Variants in DACH2 observed in about 807,000 individuals in gnomAD.
DACH2 encodes dachshund homolog 2.
DACH2 carries 17 observed loss-of-function variants against 35.8 expected under a neutral mutation model. The ratio of observed to expected loss-of-function variants is 0.48; its 90% CI spans 0.33 to 0.71. The LOEUF is 0.71. DACH2 is among the 30% of genes least tolerant of loss of function. DACH2 has a pLI of 0.02. For missense variants in DACH2, 469 were observed against 472.7 expected (o/e 0.99, Z 0.07); for synonymous variants, 195 against 177.3 (o/e 1.10, Z -0.79).
chrX:86,576,838 C>A (rs755503476), intron 3 of DACH2, among the ~76,000 whole-genome samples: 2 of 110,354 alleles, frequency 1.8e-5, no homozygotes, highest in Non-Finnish European at 3.8e-5. Flanking sequence ...GAACCTGACA[C>A]CTTCCTCATC....
intron 5 of DACH2, among the ~76,000 whole-genome samples, chrX:86,700,169 A>G (rs190135241): frequency 9.0e-6 from 1 of 110,532 alleles, no homozygotes. Flanking sequence ...AGATTTTTTT[A>G]TATTTGATTA....
At chrX:86,582,438 G>A (rs2148341772) in intron 3 of DACH2, among the ~76,000 whole-genome samples, 1 of 110,244 alleles carries the variant, frequency 9.1e-6, no homozygotes, top group Admixed American at 9.7e-5. Flanking sequence ...TTTTTTGAAA[G>A]AATAAATAAG....
intron 1 of DACH2, among the ~76,000 whole-genome samples, chrX:86,320,379 AT>A (rs917623069): frequency 1.8e-5 from 2 of 111,768 alleles, no homozygotes; most frequent in African/African-American, 3.2e-5. Context: ...GATTCTTACC[AT>A]TTTTTTCCCC....
chrX:86,329,339 C>T (rs1221345429), intron 1 of DACH2, among the ~76,000 whole-genome samples: 1 of 111,074 alleles, frequency 9.0e-6, no homozygotes, highest in Non-Finnish European at 1.9e-5. Context: ...GGTGACTTGT[C>T]TGTTGATGGC....
chrX:86,283,431 A>C (rs1056716129), intron 1 of DACH2, among the ~76,000 whole-genome samples: 1 of 111,424 alleles, frequency 9.0e-6, no homozygotes, highest in Non-Finnish European at 1.9e-5. Flanking sequence ...ATGCACATGT[A>C]TGTTTATTGC....
chrX:86,187,365 G>A (rs1040254848), intron 1 of DACH2, among the ~76,000 whole-genome samples: 12 of 109,323 alleles, frequency 1.1e-4, no homozygotes, highest in Admixed American at 3.9e-4. Flanking sequence ...TTTTAGTTGA[G>A]CTATAATTTC....
At chrX:86,610,362 C>CCTCTTTCTTT (rs1569452238) in intron 3 of DACH2, among the ~76,000 whole-genome samples, 9 of 75,645 alleles carry the variant, frequency 1.2e-4, no homozygotes, top group Admixed American at 1.6e-4. Flanking sequence ...TTCCTTCCTT[C>CCTCTTTCTTT]CTCTTTCTTT....
At chrX:86,382,852 C>T (rs1407558119) in intron 2 of DACH2, among the ~76,000 whole-genome samples, 1 of 110,829 alleles carries the variant, frequency 9.0e-6, no homozygotes, top group African/African-American at 3.3e-5. Context: ...CCTAATTGTC[C>T]AAATGTAACA....
chrX:86,698,514 G>GTTTTTTTTTTTTTTT lies in DACH2; in HGVS notation c.931+3339_931+3340insTTTTTTTTTTTTTTT, dbSNP rs1345238527. Reference sequence around the variant, plus strand: ...TTAATTTCTTCTTTTTGTTTTGTTAGTTTTGTGTTTTTTTTTTTTTTTTTT... The same window carrying GTTTTTTTTTTTTTTT: ...TTAATTTCTTCTTTTTGTTTTGTTAGTTTTTTTTTTTTTTTTTTTGTGTTTTTTTTTTTTTTTTTT... On this transcript the variant is annotated intron_variant, in intron 5 of 11. Transcript: ENST00000373125. Among the ~76,000 whole-genome samples the GTTTTTTTTTTTTTTT allele has an allele frequency of 8.2e-4, 28 of 34,327 alleles. 4 individuals are homozygous for GTTTTTTTTTTTTTTT. Among genetic ancestry groups the GTTTTTTTTTTTTTTT allele is most frequent in the Non-Finnish European group, 8.9e-4 (18 of 20,256 alleles). 29.8% of individuals were successfully genotyped at this position (34,327 alleles called of 115,157 possible).
intron 1 of DACH2, among the ~76,000 whole-genome samples, chrX:86,241,077 C>T (rs1375867141): frequency 4.5e-5 from 5 of 111,496 alleles, no homozygotes; most frequent in East Asian, 5.6e-4. Flanking sequence ...AGTAGTGGGG[C>T]GATGCTATAA....
intron 3 of DACH2, among the ~76,000 whole-genome samples, chrX:86,568,386 T>C (rs1251873198): frequency 9.0e-6 from 1 of 110,962 alleles, no homozygotes; most frequent in African/African-American, 3.3e-5. Context: ...TTATGATGTA[T>C]GGAGTCAGGT....
At position 86,148,715 on chromosome X, in the gene DACH2, C is replaced by A. The variant is rs760325826; in HGVS notation, c.95C>A (p.Pro32His). 12 of 1,208,489 alleles carry A rather than the reference C, an allele frequency of 9.9e-6. No individual in the cohort carries two copies. Among genetic ancestry groups the A allele is most frequent in the Non-Finnish European group, 1.3e-5 (12 of 894,833 alleles). Residue 32 changes from proline (P) to histidine (H), a missense_variant, in exon 1 of 12, where the codon CCC (proline) becomes CAC (histidine). Pro to His is a moderately conservative substitution (Grantham distance 77). This residue lies in a region of DACH2 where 99 missense variants were observed against 114.3 expected (regional missense o/e 0.87). Coordinates refer to ENST00000373125, the MANE Select transcript of DACH2 (RefSeq NM_053281.3). The stretch of plus-strand genomic sequence containing the variant: ...CGGGCCGAACCCCTGTACTCGACTC[C>A]CAGAGAGCCCCCTCGTCTTACTCCT... ...LFRAEPLYSTPREPPRLTPNM... is the reference protein window; with the variant it reads ...LFRAEPLYSTHREPPRLTPNM...
At chrX:86,430,543 A>T in intron 2 of DACH2, among the ~76,000 whole-genome samples, 1 of 112,371 alleles carries the variant, frequency 8.9e-6, no homozygotes, top group Admixed American at 9.5e-5. Flanking sequence ...AATTGTTTTA[A>T]CTGAATTATA....
At chrX:86,670,275 T>C (rs939735945) in intron 4 of DACH2, among the ~76,000 whole-genome samples, 1 of 111,075 alleles carries the variant, frequency 9.0e-6, no homozygotes, top group African/African-American at 3.3e-5. Flanking sequence ...TAATAAACAT[T>C]TGATGAATGC....
chrX:86,773,304 C>T (rs1368389691), intron 7 of DACH2, among the ~76,000 whole-genome samples: 1 of 111,640 alleles, frequency 9.0e-6, no homozygotes, highest in Non-Finnish European at 1.9e-5. Context: ...TAGGTATTAG[C>T]TTAGTTTTCA....
chrX:86,658,953 C>G (rs1217257421), intron 4 of DACH2, among the ~76,000 whole-genome samples: 1 of 111,303 alleles, frequency 9.0e-6, no homozygotes, highest in Non-Finnish European at 1.9e-5. Flanking sequence ...GTTTTGCTTC[C>G]ATGGAGCAGA....
At chrX:86,473,367 A>T (rs1414622811) in intron 2 of DACH2, among the ~76,000 whole-genome samples, 1 of 111,305 alleles carries the variant, frequency 9.0e-6, no homozygotes, top group African/African-American at 3.3e-5. Context: ...TGTTATAGAC[A>T]ATCCAACTGA....
intron 5 of DACH2, among the ~76,000 whole-genome samples, chrX:86,700,505 T>C (rs1231656622): frequency 2.0e-5 from 2 of 98,441 alleles, no homozygotes; most frequent in African/African-American, 7.6e-5. Flanking sequence ...TTTATTATTA[T>C]GTAATGCTCT....
At chrX:86,652,831 T>G (rs917684743) in intron 4 of DACH2, among the ~76,000 whole-genome samples, 12 of 112,080 alleles carry the variant, frequency 1.1e-4, no homozygotes, top group African/African-American at 2.9e-4. Flanking sequence ...CCTTGAAGAT[T>G]CTTGATATTA....
Sources: gnomAD v4.1 joint callset for allele counts (sites outside exome capture counted in the v4.1 genomes callset) on GRCh38, gnomAD v4.1.1 for gene constraint, gnomAD v4.1.1 regional missense constraint, MANE v1.5 for transcripts, NCBI Gene and HGNC (gene_info 2026-07-23, HGNC 2026-07-21) for gene names.